The following DOCK1 variants were observed in gnomAD, a reference collection of about 807,000 sequenced individuals.
DOCK1 encodes the protein dedicator of cytokinesis protein 1.
In DOCK1, 138 loss-of-function variants were observed where a neutral mutation model predicts 262.7. The ratio of observed to expected loss-of-function variants is 0.53; its 90% CI spans 0.46 to 0.61. The LOEUF (loss-of-function observed/expected upper bound fraction) is 0.61. Among genes scored for constraint, DOCK1 ranks in the 20% least tolerant of loss-of-function variants. The pLI, the probability that DOCK1 is intolerant of heterozygous loss-of-function variation, is 0.00. For missense variants in DOCK1, 1,908 were observed against 2,370.7 expected, an observed-to-expected ratio of 0.80 and a Z score of 4.05; for synonymous variants, 866 against 867.4, an observed-to-expected ratio of 1.00 and a Z score of 0.03.
chr10:127,236,500 G>GTTTTTTTTTTT lies in DOCK1; in HGVS notation c.2848-11493_2848-11483dup, dbSNP rs771387854. 3.0e-5 allele frequency among the ~76,000 whole-genome samples: 2 copies of GTTTTTTTTTTT among 66,786 alleles called. 1 individual carries two copies. Among genetic ancestry groups the GTTTTTTTTTTT allele is most frequent in the Non-Finnish European group, 5.3e-5 (2 of 37,472 alleles). 43.8% of individuals were successfully genotyped at this position (66,786 alleles called of 152,430 possible). A position where few individuals can be genotyped will look rare whatever the true frequency, so the allele number is the denominator to read the frequency against. On this transcript the variant is annotated intron_variant, in intron 27 of 51. Transcript: ENST00000623213. ...TGCACATTGATCCTTCTTGACACGGGTTTTTTTTTTTTTTTTTTTTTTTTT... is the reference window on the plus strand; with the variant it reads ...TGCACATTGATCCTTCTTGACACGGGTTTTTTTTTTTTTTTTTTTTTTTTTTTTTTTTTTTT...
intron 13 of DOCK1, among the ~76,000 whole-genome samples, chr10:127,019,489 C>T (rs2042254403): frequency 6.6e-6 from 1 of 152,124 alleles, no homozygotes; most frequent in East Asian, 1.9e-4. Context: ...TGGCTCATGC[C>T]TGTAATCCTA....
At position 127,177,579 on chromosome 10, in the gene DOCK1, CAG is replaced by C. The variant is rs552443700; in HGVS notation, c.2847+49820_2847+49821del. Reference sequence around the variant, plus strand: ...GCCCGAGTGGCTGGAGCTGAGTGCCCAGAGAGGCAAGGTCATGGACATGGGCC... The same window carrying C: ...GCCCGAGTGGCTGGAGCTGAGTGCCCAGAGGCAAGGTCATGGACATGGGCC... On this transcript the variant is annotated intron_variant, in intron 27 of 51. Transcript: ENST00000623213. Among the ~76,000 whole-genome samples, 134 of 152,322 alleles carry C rather than the reference CAG, an allele frequency of 8.8e-4. 1 individual carries two copies. The highest frequency in any genetic ancestry group is 2.9e-3 in the African/African-American group (121 of 41,572).
intron 27 of DOCK1, chr10:127,153,702 G>A (rs189618037): frequency 1.3e-4 from 80 of 638,546 alleles, no homozygotes; most frequent in Admixed American, 5.6e-4. Context: ...GGGGTATTTA[G>A]AGGTAGCTTA....
chr10:127,237,016 C>T (rs1008003401), intron 27 of DOCK1, among the ~76,000 whole-genome samples: 63 of 152,276 alleles, frequency 4.1e-4, no homozygotes, highest in African/African-American at 1.4e-3. Flanking sequence ...TTACTCTTGA[C>T]TCCTAAACTA....
At chr10:127,113,896 C>A (rs1275857988) in intron 25 of DOCK1, among the ~76,000 whole-genome samples, 4 of 152,182 alleles carry the variant, frequency 2.6e-5, no homozygotes, top group African/African-American at 7.2e-5. Context: ...TTGACTCAGT[C>A]CCCCAATCCC....
chr10:126,924,867 T>C (rs955824327), intron 1 of DOCK1, among the ~76,000 whole-genome samples: 1 of 152,234 alleles, frequency 6.6e-6, no homozygotes, highest in Non-Finnish European at 1.5e-5. Context: ...TGGATGAAAG[T>C]GTTTCTTAAG....
chr10:127,112,925 C>T (rs147065455), intron 25 of DOCK1, among the ~76,000 whole-genome samples: 1 of 152,218 alleles, frequency 6.6e-6, no homozygotes, highest in Non-Finnish European at 1.5e-5. Context: ...CTGTTTTTCT[C>T]ATCTGCAAGC....
At chr10:126,927,077 C>A (rs2033793695) in intron 1 of DOCK1, among the ~76,000 whole-genome samples, 1 of 152,196 alleles carries the variant, frequency 6.6e-6, no homozygotes, top group African/African-American at 2.4e-5. Context: ...TGGCGCCCTG[C>A]ATCTTGTCTT....
chr10:127,164,605 A>C (rs11596138), intron 27 of DOCK1, among the ~76,000 whole-genome samples: 31,565 of 152,198 alleles, frequency 0.21, 3,983 homozygotes, highest in South Asian at 0.29. Flanking sequence ...TATAGACATT[A>C]TTATTGTCAG....
intron 29 of DOCK1, among the ~76,000 whole-genome samples, chr10:127,284,311 T>C (rs2061070660): frequency 6.6e-6 from 1 of 152,186 alleles, no homozygotes; most frequent in Admixed American, 6.5e-5. Context: ...CATACAAATA[T>C]TTAATTTATA....
intron 27 of DOCK1, among the ~76,000 whole-genome samples, chr10:127,140,700 T>A (rs879584188): frequency 2.0e-4 from 14 of 71,480 alleles, no homozygotes; most frequent in Non-Finnish European, 3.8e-4. Flanking sequence ...GAAACCTGAC[T>A]GGAGGAGGCA....
intron 27 of DOCK1, among the ~76,000 whole-genome samples, chr10:127,240,108 C>A (rs568451195): frequency 1.7e-3 from 266 of 152,136 alleles, no homozygotes; most frequent in Non-Finnish European, 2.2e-3. Flanking sequence ...AATTATATTT[C>A]TTTCCTTATA....
intron 33 of DOCK1, among the ~76,000 whole-genome samples, chr10:127,370,934 G>C (rs1040704040): frequency 6.6e-6 from 1 of 152,166 alleles, no homozygotes; most frequent in Admixed American, 6.5e-5. Flanking sequence ...AAAATATAAT[G>C]GTTTTGCTTA....
intron 30 of DOCK1, among the ~76,000 whole-genome samples, chr10:127,340,361 T>C (rs2063376402): frequency 6.6e-6 from 1 of 152,218 alleles, no homozygotes; most frequent in South Asian, 2.1e-4. Context: ...CTGAATTCTT[T>C]GTCACGCTTT....
chr10:126,953,006 G>T lies in DOCK1; in HGVS notation c.47-17696G>T, dbSNP rs931458193. ...TAGTATAGTTAGTGATGTAGTGTTG[G>T]TGGTGGTAGTATTGTTGGTGCTGCT... On this transcript the variant is annotated intron_variant, in intron 1 of 51. Coordinates refer to ENST00000623213, the MANE Select transcript of DOCK1 (RefSeq NM_001290223.2). Among the ~76,000 whole-genome samples, 32 of 151,444 alleles carry T rather than the reference G, an allele frequency of 2.1e-4. No individual in the cohort carries two copies. The South Asian group carries it at 5.6e-3, about 27-fold the overall frequency.
chr10:127,138,525 C>G (rs1205714541), intron 27 of DOCK1, among the ~76,000 whole-genome samples: 1 of 152,186 alleles, frequency 6.6e-6, no homozygotes, highest in Non-Finnish European at 1.5e-5. Flanking sequence ...GGCTGACATT[C>G]TCCTTGTAAA....
intron 25 of DOCK1, 130 bp downstream of exon 25, chr10:127,110,484 C>G: frequency 1.3e-6 from 1 of 780,280 alleles, no homozygotes; most frequent in Non-Finnish European, 2.1e-6. Context: ...TATTACAAGA[C>G]AGGAAGATTT....
intron 23 of DOCK1, among the ~76,000 whole-genome samples, chr10:127,079,612 A>C (rs1262186219): frequency 6.6e-6 from 1 of 152,232 alleles, no homozygotes; most frequent in East Asian, 1.9e-4. Flanking sequence ...TCTCAGAATT[A>C]GCACACCAGT....
At chr10:126,999,241 A>G (rs2040417485) in intron 8 of DOCK1, 113 bp from the exon 9 acceptor site, 3 of 742,494 alleles carry the variant, frequency 4.0e-6, no homozygotes, top group African/African-American at 1.8e-5. Flanking sequence ...TATAAACTCA[A>G]TAGTTGTCTG....
Sources: gnomAD v4.1 joint callset for allele counts (sites outside exome capture counted in the v4.1 genomes callset) on GRCh38, gnomAD v4.1.1 for gene constraint, MANE v1.5 for transcripts, NCBI Gene and HGNC (gene_info 2026-07-23, HGNC 2026-07-21) for gene names.